RFT1: variants seen among roughly 807,000 people sequenced by gnomAD.
RFT1 encodes the protein man(5)GlcNAc(2)-PP-dolichol translocation protein RFT1.
Under a neutral mutation model 62.2 loss-of-function variants are expected in RFT1, and 43 were observed. That is an observed-to-expected ratio of 0.69 (90% CI 0.54 to 0.89). The LOEUF (loss-of-function observed/expected upper bound fraction) is 0.89, where lower values mean the gene tolerates loss of function less well. Ranked by LOEUF, RFT1 falls within the 40% of genes least tolerant of loss-of-function variation. The pLI, the probability that RFT1 is intolerant of heterozygous loss-of-function variation, is 0.00. For missense variants in RFT1, 605 were observed against 649.9 expected (o/e 0.93, Z 0.75); for synonymous variants, 262 against 264.6 (o/e 0.99, Z 0.10).
chr3:53,111,821 T>G lies in RFT1; in HGVS notation c.775+9A>C. 1.6e-5 allele frequency: 25 copies of G among 1,611,150 alleles called. No individual in the cohort carries two copies. Among genetic ancestry groups the G allele is most frequent in the Non-Finnish European group, 2.1e-5 (25 of 1,177,234 alleles). On this transcript the variant is annotated intron_variant, in intron 7 of 12. Coordinates refer to ENST00000296292, the MANE Select transcript of RFT1 (RefSeq NM_052859.4). ...GTCTCCCGACGATTCAGAGTGACCG[T>G]CTACTTACCTTCTGTCAAAATCTGT...
the RFT1 span, among the ~76,000 whole-genome samples, chr3:53,075,834 GGGAAGTAGTAAAAGTGGC>G: frequency 6.6e-6 from 1 of 152,232 alleles, no homozygotes; most frequent in Non-Finnish European, 1.5e-5. Context: ...ACGAGACACA[GGGAAGTAGTAAAAGTGGC>G]CCCATCTGTG....
At chr3:53,079,963 C>T in the RFT1 span, among the ~76,000 whole-genome samples, 1 of 152,180 alleles carries the variant, frequency 6.6e-6, no homozygotes. Flanking sequence ...TCCTCGTGGG[C>T]CACCGTGGCC....
At chr3:53,107,652 G>C (rs1184466885) in intron 7 of RFT1, among the ~76,000 whole-genome samples, 1 of 150,848 alleles carries the variant, frequency 6.6e-6, no homozygotes, top group African/African-American at 2.4e-5. Context: ...TTTGAATCAT[G>C]AACTCACGTC....
the RFT1 span, among the ~76,000 whole-genome samples, chr3:53,068,347 C>T: frequency 1.3e-5 from 2 of 152,162 alleles, no homozygotes; most frequent in African/African-American, 2.4e-5. Context: ...CACATACACT[C>T]ACTGGGCACA....
intron 10 of RFT1, among the ~76,000 whole-genome samples, chr3:53,101,263 A>G (rs1701304572): frequency 6.6e-6 from 1 of 152,170 alleles, no homozygotes; most frequent in South Asian, 2.1e-4. Flanking sequence ...CCCCCACCCC[A>G]GCTGACGGTG....
chr3:53,087,583 C>G (rs1264031159), downstream of RFT1, among the ~76,000 whole-genome samples: 3 of 151,816 alleles, frequency 2.0e-5, no homozygotes, highest in African/African-American at 4.8e-5. Flanking sequence ...CAGGTTGGAG[C>G]GCGAACATGC....
chr3:53,092,742 T>C, intron 11 of RFT1, 124 bp from the exon 12 acceptor site: 1 of 1,118,068 alleles, frequency 8.9e-7, no homozygotes, highest in East Asian at 2.6e-5. Context: ...CAGGTTTTCA[T>C]AACATCGAAT....
At chr3:53,113,699 ATT>A in intron 6 of RFT1, among the ~76,000 whole-genome samples, 1 of 152,212 alleles carries the variant, frequency 6.6e-6, no homozygotes, top group South Asian at 2.1e-4. Flanking sequence ...TGTAAAAAAT[ATT>A]TTTTTTCATA....
downstream of RFT1, among the ~76,000 whole-genome samples, chr3:53,087,978 T>C (rs1700895548): frequency 1.3e-5 from 2 of 152,244 alleles, no homozygotes; most frequent in African/African-American, 4.8e-5. Flanking sequence ...TAACAGTCTT[T>C]GAACTAGGTG....
intron 7 of RFT1, among the ~76,000 whole-genome samples, chr3:53,109,693 G>A (rs1186244009): frequency 2.0e-5 from 3 of 152,100 alleles, no homozygotes; most frequent in African/African-American, 7.2e-5. Context: ...TGCCTTGCCT[G>A]TAGTCCCAGC....
the RFT1 span, among the ~76,000 whole-genome samples, chr3:53,079,945 C>T: frequency 3.3e-5 from 5 of 152,194 alleles, no homozygotes; most frequent in Non-Finnish European, 5.9e-5. Flanking sequence ...TGTGGGGGTG[C>T]AGGGGTGTCC....
In RFT1 at chr3:53,090,339, G is replaced by A. The variant is rs952059940; in HGVS notation, c.*1564C>T. The A allele has an allele frequency of 6.5e-6, 1 of 152,722 alleles. No homozygotes were observed. The highest frequency in any genetic ancestry group is 1.5e-5 in the Non-Finnish European group (1 of 68,110). The allele number at this position is 152,722 out of a possible 1,614,324, so 9.5% of individuals were successfully genotyped here. A position where few individuals can be genotyped will look rare whatever the true frequency, so the allele number is the denominator to read the frequency against. On this transcript the variant is annotated 3_prime_UTR_variant, in exon 13 of 13. Transcript: ENST00000296292. ...TGGGAGGGAAGGAGGACTGCCTTCCGTGTGTGCTCCACTTGACCCTATGGG... is the reference window on the plus strand; with the variant it reads ...TGGGAGGGAAGGAGGACTGCCTTCCATGTGTGCTCCACTTGACCCTATGGG...
At chr3:53,096,924 T>C (rs1209208452) in intron 11 of RFT1, among the ~76,000 whole-genome samples, 5 of 152,020 alleles carry the variant, frequency 3.3e-5, no homozygotes, top group Non-Finnish European at 5.9e-5. Context: ...TTTGTATTTT[T>C]AGTAGAGACA....
At chr3:53,125,833 C>T (rs1702093087) in intron 2 of RFT1, 76 bp downstream of exon 2, 3 of 1,136,388 alleles carry the variant, frequency 2.6e-6, no homozygotes, top group East Asian at 2.4e-5. Flanking sequence ...CCAAGGATGA[C>T]AAACAGGTAC....
At position 53,110,437 on chromosome 3, in the gene RFT1, T is replaced by A. The variant is rs147846870; in HGVS notation, c.775+1393A>T. On this transcript the variant is annotated intron_variant, in intron 7 of 12. Coordinates refer to ENST00000296292, the MANE Select transcript of RFT1 (RefSeq NM_052859.4). ...TAAGTGCTCAGGCCCTTCACTCAGCTCTTCTGAGGCTTCTGACCCTCCCTT... is the reference window on the plus strand; with the variant it reads ...TAAGTGCTCAGGCCCTTCACTCAGCACTTCTGAGGCTTCTGACCCTCCCTT... Among the ~76,000 whole-genome samples the A allele has an allele frequency of 1.9e-3, 292 of 152,276 alleles. 2 individuals are homozygous for A. Among genetic ancestry groups the A allele is most frequent in the African/African-American group, 6.8e-3 (283 of 41,576 alleles).
chr3:53,120,932 G>T (rs1395206525), intron 5 of RFT1, among the ~76,000 whole-genome samples: 2 of 152,198 alleles, frequency 1.3e-5, no homozygotes, highest in Non-Finnish European at 2.9e-5. Context: ...TAAAGCTCCA[G>T]CGGCACTGCT....
the RFT1 span, among the ~76,000 whole-genome samples, chr3:53,068,169 C>A: frequency 0.011 from 1,721 of 152,168 alleles, 29 homozygotes; most frequent in African/African-American, 0.039. Context: ...CTTAGTAGAC[C>A]CTCACAACTG....
In RFT1 at chr3:53,099,559, T is replaced by G. The variant is rs1190880936; in HGVS notation, c.1103-73A>C. 3 of 1,186,166 alleles carry G rather than the reference T, an allele frequency of 2.5e-6. No individual in the cohort carries two copies. In the African/African-American group the frequency reaches 4.5e-5, roughly 18 times the overall value. The allele number at this position is 1,186,166 out of a possible 1,614,324, so 73.5% of individuals were successfully genotyped here. ...CACATGTACCCTCAGTGCTGCTGAG[T>G]ACCCAGAGAACCAGAACCAGACTAT... is the stretch of plus-strand genomic sequence containing the variant. On this transcript the variant is annotated intron_variant, in intron 10 of 12. Transcript: ENST00000296292.
the RFT1 span, among the ~76,000 whole-genome samples, chr3:53,070,393 G>GGTTTTTTTTTTTTTTTTTTTTTTTTTTTT: frequency 4.7e-5 from 4 of 85,448 alleles, 2 homozygotes; most frequent in Non-Finnish European, 4.5e-5. Flanking sequence ...CTGTATTATG[G>GGTTTTTTTTTTTTTTTTTTTTTTTTTTTT]TTTTTTTTTT....
Sources: gnomAD v4.1 joint callset for allele counts (sites outside exome capture counted in the v4.1 genomes callset) on GRCh38, gnomAD v4.1.1 for gene constraint, MANE v1.5 for transcripts, NCBI Gene and HGNC (gene_info 2026-07-23, HGNC 2026-07-21) for gene names.